The following C10orf143 variants were observed in gnomAD, a reference collection of about 807,000 sequenced individuals.
C10orf143 encodes uncharacterized protein C10orf143.
chr10:130,102,292 T>A (rs980573495), intron 1 of C10orf143, among the ~76,000 whole-genome samples: 5 of 151,472 alleles, frequency 3.3e-5, no homozygotes, highest in African/African-American at 9.7e-5. Context: ...ATTATTTTTA[T>A]TTTTTTTTGA....
chr10:130,106,007 C>T (rs557712226), intron 1 of C10orf143: 6 of 447,682 alleles, frequency 1.3e-5, no homozygotes, highest in South Asian at 1.1e-4. Flanking sequence ...TTGTTGTGGC[C>T]GGGGTTACTG....
chr10:130,099,340 G>A (rs1861510909), intron 1 of C10orf143, among the ~76,000 whole-genome samples: 1 of 152,032 alleles, frequency 6.6e-6, no homozygotes, highest in African/African-American at 2.4e-5. Flanking sequence ...TTATTGAGAA[G>A]GAGAAGAGTG....
At chr10:130,055,976 A>AAG (rs1554945472) in intron 3 of C10orf143, among the ~76,000 whole-genome samples, 4 of 150,156 alleles carry the variant, frequency 2.7e-5, no homozygotes, top group Non-Finnish European at 4.4e-5. Flanking sequence ...AAAAAAAAAA[A>AAG]AAAGAAAGAA....
At chr10:130,040,727 G>A (rs1371808906) in intron 3 of C10orf143, among the ~76,000 whole-genome samples, 2 of 152,172 alleles carry the variant, frequency 1.3e-5, no homozygotes, top group African/African-American at 4.8e-5. Context: ...CAGCTACTCA[G>A]GAGGCTGGGG....
At chr10:130,058,580 A>ATT (rs5789009) in intron 3 of C10orf143, among the ~76,000 whole-genome samples, 9,465 of 143,998 alleles carry the variant, frequency 0.066, 300 homozygotes, top group Non-Finnish European at 0.07. Flanking sequence ...TTTAAACAGC[A>ATT]TTTTTTTTTT....
At chr10:130,107,934 G>C in intron 1 of C10orf143, 1 of 1,407,294 alleles carries the variant, frequency 7.1e-7, no homozygotes. Context: ...TCTAACTCTG[G>C]TGGACTGTCT....
At chr10:130,081,260 TCA>T (rs1317684769) in intron 1 of C10orf143, among the ~76,000 whole-genome samples, 1 of 151,738 alleles carries the variant, frequency 6.6e-6, no homozygotes, top group Non-Finnish European at 1.5e-5. Flanking sequence ...AAGCCACAGT[TCA>T]CAGTGAAGAC....
chr10:130,079,807 C>T lies in C10orf143; in HGVS notation c.164G>A (p.Arg55Gln), dbSNP rs1436489962. 1.3e-5 allele frequency: 5 copies of T among 398,570 alleles called. No homozygotes were observed. The highest frequency in any genetic ancestry group is 1.3e-4 in the South Asian group (1 of 7,864). 24.7% of individuals were successfully genotyped at this position (398,570 alleles called of 1,614,324 possible). A position where few individuals can be genotyped will look rare whatever the true frequency, so the allele number is the denominator to read the frequency against. The stretch of plus-strand genomic sequence containing the variant: ...GAGGCAGCCTCTTGATGGAAGCTCC[C>T]GGTCCTCTGGGCCCCAGGACGCCAG... ...CALASWGPEDRELPSRGCLPA... is the reference protein window; with the variant it reads ...CALASWGPEDQELPSRGCLPA... Residue 55 changes from arginine to glutamine, a missense_variant, in exon 2 of 4, where the codon CGG (arginine) becomes CAG (glutamine). By Grantham distance (43) the Arg-to-Gln change is conservative (BLOSUM62 1). Coordinates refer to ENST00000637128, the MANE Select transcript of C10orf143 (RefSeq NM_001355042.2).
chr10:130,062,656 GC>G (rs1394671349), downstream of C10orf143, among the ~76,000 whole-genome samples: 3 of 152,144 alleles, frequency 2.0e-5, no homozygotes, highest in Non-Finnish European at 4.4e-5. Flanking sequence ...GACTCAGGCT[GC>G]CTTCCTTGCT....
At chr10:130,100,547 C>T (rs921731338) in intron 1 of C10orf143, among the ~76,000 whole-genome samples, 3 of 152,024 alleles carry the variant, frequency 2.0e-5, no homozygotes, top group Non-Finnish European at 4.4e-5. Context: ...AGAACAGACA[C>T]AGATGTTAAA....
chr10:130,083,464 A>G (rs1031774058), intron 1 of C10orf143, among the ~76,000 whole-genome samples: 1 of 152,234 alleles, frequency 6.6e-6, no homozygotes, highest in Non-Finnish European at 1.5e-5. Context: ...CAGTTATTCA[A>G]TAGTGCAATA....
chr10:130,091,988 T>C (rs1861389906), intron 1 of C10orf143, among the ~76,000 whole-genome samples: 1 of 152,172 alleles, frequency 6.6e-6, no homozygotes, highest in African/African-American at 2.4e-5. Context: ...TTGGAAACCC[T>C]CTTCAGGATA....
intron 3 of C10orf143, among the ~76,000 whole-genome samples, chr10:130,075,392 G>A (rs957949516): frequency 6.6e-5 from 10 of 152,148 alleles, no homozygotes; most frequent in East Asian, 1.9e-4. Flanking sequence ...CCAAGCTTGC[G>A]GACTACTGAC....
rs540099655 is a variant in C10orf143 at position 130,078,556 on chromosome 10, A to G, written c.297+1010T>C. On this transcript the variant is annotated intron_variant, in intron 3 of 3. Transcript: ENST00000637128. ...ATAACCTATGAAAATTTTTCTAAAGAGAGTACAAAAAGTAGCAAAGTATAC... is the reference window on the plus strand; with the variant it reads ...ATAACCTATGAAAATTTTTCTAAAGGGAGTACAAAAAGTAGCAAAGTATAC... Among the ~76,000 whole-genome samples, 431 of 152,370 alleles carry G rather than the reference A, an allele frequency of 2.8e-3. 2 individuals are homozygous for G. Among genetic ancestry groups the G allele is most frequent in the Non-Finnish European group, 5.1e-3 (349 of 68,038 alleles).
At chr10:130,098,991 G>C (rs546710284) in intron 1 of C10orf143, among the ~76,000 whole-genome samples, 84 of 151,764 alleles carry the variant, frequency 5.5e-4, no homozygotes, top group Non-Finnish European at 1.0e-3. Context: ...GGGAGGCTGA[G>C]GCAGGAGAAT....
chr10:130,064,372 G>A lies in C10orf143; in HGVS notation c.309C>T (p.Ser103=). 1 of 398,454 alleles carries A rather than the reference G, an allele frequency of 2.5e-6. No individual in the cohort carries two copies. The highest frequency in any genetic ancestry group is 4.4e-6 in the Non-Finnish European group (1 of 226,044). 24.7% of individuals were successfully genotyped at this position (398,454 alleles called of 1,614,324 possible). Reference sequence around the variant, plus strand: ...GCATCTTCTAATGATTCTTGGTATGGCTAAAATGTCCCTACAAAGATAAAA... The same window carrying A: ...GCATCTTCTAATGATTCTTGGTATGACTAAAATGTCCCTACAAAGATAAAA... ...RCIAGESGHF[S]HTKNH The change falls in exon 4 of 4, where the codon AGC becomes AGT. Residue 103 remains serine (S), a synonymous_variant. Coordinates refer to ENST00000637128, the MANE Select transcript of C10orf143 (RefSeq NM_001355042.2).
At chr10:130,103,167 G>A (rs568303319) in intron 1 of C10orf143, among the ~76,000 whole-genome samples, 1 of 152,046 alleles carries the variant, frequency 6.6e-6, no homozygotes, top group South Asian at 2.1e-4. Context: ...TAGTAGAGAC[G>A]GGGTTTCTCC....
intron 3 of C10orf143, chr10:130,067,944 G>C (rs550676110): frequency 6.6e-6 from 1 of 152,408 alleles, no homozygotes; most frequent in Non-Finnish European, 1.5e-5. Context: ...AAGTTGTCCT[G>C]GGAGCCGCGA....
chr10:130,070,342 C>T (rs1463431423), intron 3 of C10orf143, among the ~76,000 whole-genome samples: 1 of 152,228 alleles, frequency 6.6e-6, no homozygotes, highest in Non-Finnish European at 1.5e-5. Flanking sequence ...CTGGTGCAGC[C>T]TGTCCACATG....
Sources: allele counts gnomAD v4.1 joint callset (sites outside exome capture counted in the v4.1 genomes callset), GRCh38; gene constraint gnomAD v4.1.1; transcripts MANE v1.5; gene names NCBI Gene and HGNC (gene_info 2026-07-23, HGNC 2026-07-21).